The following FAHD2B variants were observed in gnomAD, a reference collection of about 807,000 sequenced individuals.
FAHD2B encodes fumarylacetoacetate hydrolase domain containing 2B.
FAHD2B carries 26 observed loss-of-function variants against 33.7 expected under a neutral mutation model. That is an observed-to-expected ratio of 0.77 (90% confidence interval 0.57 to 1.07). FAHD2B has a LOEUF of 1.07. Ranked by LOEUF, FAHD2B falls within the 50% of genes least tolerant of loss-of-function variation. The pLI, the probability that FAHD2B is intolerant of heterozygous loss-of-function variation, is 0.00. For synonymous variants in FAHD2B, 108 were observed against 150.9 expected (o/e 0.72, Z 2.08); for missense variants, 272 against 388.1 (o/e 0.70, Z 2.51).
intron 4 of FAHD2B, among the ~76,000 whole-genome samples, chr2:97,088,433 A>C (rs1032589001): frequency 1.3e-5 from 2 of 152,080 alleles, no homozygotes; most frequent in African/African-American, 4.8e-5. Flanking sequence ...TGATAGTTTT[A>C]AAAACGGGAG....
intron 6 of FAHD2B, among the ~76,000 whole-genome samples, chr2:97,084,994 C>A (rs867738926): frequency 6.6e-6 from 1 of 151,912 alleles, no homozygotes; most frequent in African/African-American, 2.4e-5. Context: ...GTGTATCAGC[C>A]GCTGGCAGGG....
At chr2:97,082,792 C>A (rs2031699251), downstream of FAHD2B, 14 of 1,356,594 alleles carry the variant, frequency 1.0e-5, no homozygotes, top group Non-Finnish European at 1.5e-5. Flanking sequence ...CTTCTGTCCC[C>A]CTGCTCCCAC....
intron 6 of FAHD2B, 70 bp from the exon 7 acceptor site, chr2:97,084,347 C>A (rs1195541584): frequency 1.3e-6 from 2 of 1,582,728 alleles, no homozygotes; most frequent in Non-Finnish European, 1.7e-6. Flanking sequence ...TTTACAAACA[C>A]AACTGTAGGG....
downstream of FAHD2B, chr2:97,081,290 C>T (rs2153381312): frequency 6.7e-7 from 1 of 1,483,556 alleles, no homozygotes; most frequent in South Asian, 1.4e-5. Context: ...TAGGCCTTCC[C>T]CTCTTGGTGG....
Position 97,091,601 on chromosome 2 carries a change from G to A in FAHD2B, c.106C>T (p.His36Tyr), listed in dbSNP as rs557053515. ...DMRLVQFRAP[H>Y]LVGPHLGLET... ...AGGCCCAAGTGAGGCCCCACCAGGT[G>A]GGGTGCCCGGAACTGCACTAGTCTC... Residue 36 changes from histidine (H) to tyrosine (Y), a missense_variant, in exon 3 of 9, where the codon CAC (histidine) becomes TAC (tyrosine). Physicochemically the swap from His to Tyr is moderately conservative, Grantham distance 83. Coordinates refer to ENST00000414820, the MANE Select transcript of FAHD2B (RefSeq NM_001320848.2). 1.1e-4 allele frequency: 173 copies of A among 1,613,944 alleles called. 3 individuals carry two copies. The South Asian group carries it at 1.6e-3, about 15-fold the overall frequency.
At chr2:97,093,410 A>G (rs2032468987) in intron 1 of FAHD2B, among the ~76,000 whole-genome samples, 3 of 151,778 alleles carry the variant, frequency 2.0e-5, no homozygotes, top group South Asian at 4.2e-4. Flanking sequence ...CTAACATAAC[A>G]GTAACTGCTG....
downstream of FAHD2B, among the ~76,000 whole-genome samples, chr2:97,079,074 C>T (rs546937833): frequency 6.4e-4 from 98 of 152,218 alleles, no homozygotes; most frequent in Non-Finnish European, 6.5e-4. Context: ...CCAGCTCCAT[C>T]CATGTCCCTG....
chr2:97,085,770 C>T lies in FAHD2B; in HGVS notation c.614G>A (p.Trp205Ter), dbSNP rs536315905. 6.2e-7 allele frequency: 1 copy of T among 1,613,840 alleles called. No homozygotes were observed. The highest frequency in any genetic ancestry group is 1.3e-5 in the African/African-American group (1 of 75,050). ...DWLTRRNGKQ[W>*]LLGKTFDTFC... is the part of the protein sequence containing the mutation. ...GGTGTCGAAGGTTTTTCCCAGCAGC[C>T]ACTGTTTCCCATTGCGTCTTGTTAG... The change falls in exon 6 of 9, where the codon TGG becomes TAG. Residue 205 changes from tryptophan (W) to a stop codon, truncating the protein, a stop_gained. Transcript: ENST00000414820. LOFTEE classifies it high-confidence loss of function.
chr2:97,086,771 T>C (rs1443136109), intron 4 of FAHD2B: 1 of 154,104 alleles, frequency 6.5e-6, no homozygotes, highest in African/African-American at 2.4e-5. Context: ...CCAGAGTTGG[T>C]ATAAGTACAC....
intron 3 of FAHD2B, among the ~76,000 whole-genome samples, chr2:97,090,793 C>T (rs1329267147): frequency 6.6e-6 from 1 of 150,840 alleles, no homozygotes; most frequent in Middle Eastern, 3.2e-3. Flanking sequence ...CATATTACTG[C>T]TCTATAGAGA....
Position 97,088,147 on chromosome 2 carries a change from T to C in FAHD2B, c.463-1949A>G, listed in dbSNP as rs551866535. ...CACTGTCTGCTATAATCAACTTTGA[T>C]TGGAAACCCATCATTCATTTCTGTA... On this transcript the variant is annotated intron_variant, in intron 4 of 8. Coordinates refer to ENST00000414820, the MANE Select transcript of FAHD2B (RefSeq NM_001320848.2). Among the ~76,000 whole-genome samples, 12 of 152,266 alleles carry C rather than the reference T, an allele frequency of 7.9e-5. No individual in the cohort carries two copies. In the South Asian group the frequency reaches 1.7e-3, roughly 21 times the overall value.
intron 6 of FAHD2B, among the ~76,000 whole-genome samples, chr2:97,084,620 G>A (rs1178109548): frequency 2.6e-5 from 4 of 152,024 alleles, no homozygotes; most frequent in South Asian, 2.1e-4. Context: ...AATGACTCCC[G>A]GGCAGGGCCA....
At chr2:97,086,277 T>C (rs1460734953) in intron 4 of FAHD2B, 79 bp from the exon 5 acceptor site, 1 of 1,561,858 alleles carries the variant, frequency 6.4e-7, no homozygotes, top group Non-Finnish European at 8.7e-7. Context: ...ACGCCATGGA[T>C]CTCTGTCAGT....
intron 4 of FAHD2B, 112 bp downstream of exon 4, chr2:97,089,997 T>A: frequency 7.1e-7 from 1 of 1,406,112 alleles, no homozygotes; most frequent in Admixed American, 2.0e-5. Flanking sequence ...CCTGTAGAGT[T>A]TCTGTTGAAT....
At chr2:97,084,746 T>C (rs1291001645) in intron 6 of FAHD2B, among the ~76,000 whole-genome samples, 2 of 151,856 alleles carry the variant, frequency 1.3e-5, no homozygotes, top group African/African-American at 4.8e-5. Flanking sequence ...CTTGTCTCTA[T>C]GCAAAATAAT....
At chr2:97,082,167 C>T, downstream of FAHD2B, 2 of 1,538,440 alleles carry the variant, frequency 1.3e-6, no homozygotes, top group Non-Finnish European at 1.8e-6. Context: ...TGGTGGGGAG[C>T]TGCACTCACC....
At chr2:97,083,159 C>T (rs1288055696), downstream of FAHD2B, 17 of 1,589,242 alleles carry the variant, frequency 1.1e-5, no homozygotes, top group East Asian at 4.5e-5. Context: ...CAGCAGACGC[C>T]GAGCCCTGCA....
rs115068103 is a variant in FAHD2B at position 97,091,757 on chromosome 2, C to T, written c.-6-45G>A. ...ATCCAGGAGATGGAGGATCTCAGAG[C>T]CATCATCAGCATCCCTGATATTCCT... On this transcript the variant is annotated intron_variant, in intron 2 of 8. Transcript: ENST00000414820. 2.4e-4 allele frequency: 376 copies of T among 1,574,062 alleles called. 3 individuals carry two copies. The African/African-American group carries it at 4.5e-3, about 19-fold the overall frequency.
Sources: allele counts gnomAD v4.1 joint callset (sites outside exome capture counted in the v4.1 genomes callset), GRCh38; gene constraint gnomAD v4.1.1; transcripts MANE v1.5; gene names NCBI Gene and HGNC (gene_info 2026-07-23, HGNC 2026-07-21).